The following C6orf163 variants were observed in gnomAD, a reference collection of about 807,000 sequenced individuals.
C6orf163 encodes uncharacterized protein C6orf163.
In C6orf163, 22 loss-of-function variants were observed where a neutral mutation model predicts 28.4. The ratio of observed to expected loss-of-function variants is 0.78; its 90% CI spans 0.55 to 1.11. C6orf163 has a LOEUF of 1.11. Ranked by LOEUF, C6orf163 falls within the 50% of genes least tolerant of loss-of-function variation. The pLI, the probability that C6orf163 is intolerant of heterozygous loss-of-function variation, is 0.00. For synonymous variants in C6orf163, 110 were observed against 123.6 expected (o/e 0.89, Z 0.73); for missense variants, 342 against 389.1 (o/e 0.88, Z 1.02).
At chr6:87,352,552 G>A (rs1164052425) in intron 3 of C6orf163, among the ~76,000 whole-genome samples, 1 of 151,992 alleles carries the variant, frequency 6.6e-6, no homozygotes, top group Non-Finnish European at 1.5e-5. Flanking sequence ...TGATGGATAG[G>A]TAATCTTTTG....
At chr6:87,348,194 T>G (rs1039276939) in intron 1 of C6orf163, 14 of 983,636 alleles carry the variant, frequency 1.4e-5, no homozygotes, top group Admixed American at 6.2e-5. Context: ...GACCTGGCTG[T>G]CTGATATTGC....
intron 3 of C6orf163, among the ~76,000 whole-genome samples, chr6:87,354,491 A>C (rs1777468594): frequency 6.6e-6 from 1 of 152,244 alleles, no homozygotes; most frequent in Non-Finnish European, 1.5e-5. Context: ...AGATTGTTTC[A>C]AAATGTTCTT....
At position 87,345,126 on chromosome 6, in the gene C6orf163, C is replaced by G. The variant is rs1180136060; in HGVS notation, c.27C>G (p.Asn9Lys). The change falls in exon 1 of 5, where the codon AAC (asparagine) becomes AAG (lysine). Residue 9 changes from asparagine (N) to lysine (K), a missense_variant. By Grantham distance (94) the Asn-to-Lys change is moderately conservative (BLOSUM62 0). Coordinates refer to ENST00000388923, the MANE Select transcript of C6orf163 (RefSeq NM_001010868.3). ...TGATCAGAAATTCAGATTACAAAAA[C>G]TTTGTTTGCTGTGCTGTTTGTAATA... MIRNSDYK[N>K]FVCCAVCNKI... 6.5e-7 allele frequency: 1 copy of G among 1,530,798 alleles called. No individual in the cohort carries two copies. Among genetic ancestry groups the G allele is most frequent in the Non-Finnish European group, 8.7e-7 (1 of 1,145,094 alleles). The allele number at this position is 1,530,798 out of a possible 1,614,324, so 94.8% of individuals were successfully genotyped here.
At chr6:87,349,761 C>A (rs1777382419) in intron 2 of C6orf163, among the ~76,000 whole-genome samples, 1 of 152,156 alleles carries the variant, frequency 6.6e-6, no homozygotes, top group African/African-American at 2.4e-5. Context: ...GTTCTGTATA[C>A]CCCAGATTTT....
intron 3 of C6orf163, among the ~76,000 whole-genome samples, chr6:87,353,547 T>A (rs754476134): frequency 1.2e-4 from 18 of 152,088 alleles, no homozygotes; most frequent in Non-Finnish European, 2.2e-4. Flanking sequence ...CTTCAATAGA[T>A]GTTTGCAAGA....
Position 87,350,424 on chromosome 6 carries a change from A to G in C6orf163, c.274A>G (p.Lys92Glu), listed in dbSNP as rs1310876309. 2 of 1,535,184 alleles carry G rather than the reference A, an allele frequency of 1.3e-6. No homozygotes were observed. The highest frequency in any genetic ancestry group is 2.0e-5 in the Admixed American group (1 of 50,730). Residue 92 changes from lysine to glutamate, a missense_variant, in exon 3 of 5, where the codon AAA becomes GAA. By Grantham distance (56) the Lys-to-Glu change is moderately conservative. Transcript: ENST00000388923. ...ANERQKQAVE[K>E]ALEEANDRHK... ...TGAACGTCAAAAACAAGCAGTGGAGAAAGCACTTGAAGAAGCAAATGACAG... is the reference window on the plus strand; with the variant it reads ...TGAACGTCAAAAACAAGCAGTGGAGGAAGCACTTGAAGAAGCAAATGACAG...
intron 3 of C6orf163, among the ~76,000 whole-genome samples, chr6:87,354,861 T>A (rs1777474434): frequency 6.6e-6 from 1 of 152,214 alleles, no homozygotes; most frequent in South Asian, 2.1e-4. Flanking sequence ...CCTTATAATT[T>A]AGAGTTCTCT....
rs1348764552 is a variant in C6orf163 at position 87,365,066 on chromosome 6, C to G, written c.660C>G (p.Leu220=). The G allele has an allele frequency of 6.4e-7, 1 of 1,551,894 alleles. No homozygotes were observed. The change falls in exon 5 of 5, where the codon CTC becomes CTG. Residue 220 remains leucine, a synonymous_variant. Coordinates refer to ENST00000388923, the MANE Select transcript of C6orf163 (RefSeq NM_001010868.3). Reference sequence around the variant, plus strand: ...AAAAAGAACATGAAATGAGCATCCTCTATGGCATAGCTCAGAGGCAGAGGC... The same window carrying G: ...AAAAAGAACATGAAATGAGCATCCTGTATGGCATAGCTCAGAGGCAGAGGC... ...MREKEHEMSI[L]YGIAQRQRQE...
intron 3 of C6orf163, among the ~76,000 whole-genome samples, chr6:87,354,927 G>T (rs1347645254): frequency 6.6e-6 from 1 of 152,216 alleles, no homozygotes; most frequent in Non-Finnish European, 1.5e-5. Flanking sequence ...AACAGAGCTG[G>T]CTCTCTCAGG....
rs1777631771 is a variant in C6orf163 at position 87,365,447 on chromosome 6, A to C, written c.*51A>C. Reference sequence around the variant, plus strand: ...AAAAGACATCATTCCAGACTAAATAAATTTACTCAAAAACCATGTATTGAT... The same window carrying C: ...AAAAGACATCATTCCAGACTAAATACATTTACTCAAAAACCATGTATTGAT... On this transcript the variant is annotated 3_prime_UTR_variant, in exon 5 of 5. Coordinates refer to ENST00000388923, the MANE Select transcript of C6orf163 (RefSeq NM_001010868.3). The C allele has an allele frequency of 4.1e-6, 5 of 1,215,072 alleles. No homozygotes were observed. The highest frequency in any genetic ancestry group is 5.7e-6 in the Non-Finnish European group (5 of 881,710). 75.3% of individuals were successfully genotyped at this position (1,215,072 alleles called of 1,614,324 possible). A position where few individuals can be genotyped will look rare whatever the true frequency, so the allele number is the denominator to read the frequency against.
chr6:87,365,419 TAC>T lies in C6orf163; in HGVS notation c.*25_*26del. The T allele has an allele frequency of 7.3e-7, 1 of 1,362,688 alleles. No individual in the cohort carries two copies. Among genetic ancestry groups the T allele is most frequent in the Non-Finnish European group, 1.0e-6 (1 of 1,001,968 alleles). The allele number at this position is 1,362,688 out of a possible 1,614,324, so 84.4% of individuals were successfully genotyped here. On this transcript the variant is annotated 3_prime_UTR_variant, in exon 5 of 5. Coordinates refer to ENST00000388923, the MANE Select transcript of C6orf163 (RefSeq NM_001010868.3). The stretch of plus-strand genomic sequence containing the variant: ...TAGAAGTCTTCAGTTGAAATTCCAC[TAC>T]AAAAGACATCATTCCAGACTAAATA...
Position 87,365,074 on chromosome 6 carries a change from T to C in C6orf163, c.668T>C (p.Ile223Thr), listed in dbSNP as rs61740536. The C allele has an allele frequency of 2.2e-3, 3,475 of 1,551,926 alleles. 54 individuals carry two copies. In the African/African-American group the frequency reaches 0.035, roughly 16 times the overall value. The change falls in exon 5 of 5, where the codon ATA (isoleucine) becomes ACA (threonine). Residue 223 changes from isoleucine (I) to threonine (T), a missense_variant. Physicochemically the swap from Ile to Thr is moderately conservative, Grantham distance 89 (BLOSUM62 -1). Coordinates refer to ENST00000388923, the MANE Select transcript of C6orf163 (RefSeq NM_001010868.3). The part of the protein sequence containing the change: ...KEHEMSILYG[I>T]AQRQRQEEVQ... ...CATGAAATGAGCATCCTCTATGGCA[T>C]AGCTCAGAGGCAGAGGCAAGAAGAG...
At chr6:87,363,437 C>T (rs1005129924) in intron 4 of C6orf163, among the ~76,000 whole-genome samples, 51 of 151,420 alleles carry the variant, frequency 3.4e-4, no homozygotes, top group Non-Finnish European at 5.6e-4. Flanking sequence ...TGCTGGTGTG[C>T]TGCACCCATT....
At chr6:87,363,133 A>G (rs1459204192) in intron 4 of C6orf163, among the ~76,000 whole-genome samples, 1 of 152,194 alleles carries the variant, frequency 6.6e-6, no homozygotes, top group Non-Finnish European at 1.5e-5. Flanking sequence ...ATGTATGCAT[A>G]GAATGCTCAT....
At chr6:87,360,450 G>T (rs1328739654) in intron 4 of C6orf163, among the ~76,000 whole-genome samples, 2 of 145,292 alleles carry the variant, frequency 1.4e-5, no homozygotes, top group Admixed American at 7.1e-5. Context: ...AGGCTGGAGT[G>T]CAGTGATGCG....
intron 3 of C6orf163, among the ~76,000 whole-genome samples, chr6:87,351,998 T>A (rs1777419918): frequency 6.6e-6 from 1 of 152,328 alleles, no homozygotes; most frequent in South Asian, 2.1e-4. Flanking sequence ...TTTCTTTAAA[T>A]AATGTTATTG....
At chr6:87,356,882 C>T (rs977099323) in intron 4 of C6orf163, 3 of 189,376 alleles carry the variant, frequency 1.6e-5, no homozygotes, top group Non-Finnish European at 3.3e-5. Flanking sequence ...AATCAAGAAA[C>T]AGTTTCCCAT....
intron 4 of C6orf163, chr6:87,358,094 T>C (rs1777532898): frequency 1.3e-5 from 2 of 152,220 alleles, no homozygotes; most frequent in African/African-American, 2.4e-5. Flanking sequence ...TCCTCTGTTC[T>C]TTAGAGAATT....
chr6:87,344,943 A>G lies in C6orf163; in HGVS notation c.-157A>G. On this transcript the variant is annotated 5_prime_UTR_variant, in exon 1 of 5. It removes the in-frame stop codon of an upstream open reading frame in the 5' UTR. Coordinates refer to ENST00000388923, the MANE Select transcript of C6orf163 (RefSeq NM_001010868.3). ...ACGTTAGACACATAACCACAGCCTA[A>G]TCACTTGAACCATTTAATCCTTACC... 1.7e-6 allele frequency: 1 copy of G among 590,116 alleles called. No individual in the cohort carries two copies. Among genetic ancestry groups the G allele is most frequent in the South Asian group, 2.3e-5 (1 of 43,552 alleles). 36.6% of individuals were successfully genotyped at this position (590,116 alleles called of 1,614,324 possible).
Sources: allele counts gnomAD v4.1 joint callset (sites outside exome capture counted in the v4.1 genomes callset), GRCh38; gene constraint gnomAD v4.1.1; transcripts MANE v1.5; gene names NCBI Gene and HGNC (gene_info 2026-07-23, HGNC 2026-07-21).